Variants in CEP128 observed in about 807,000 individuals in gnomAD.
CEP128 encodes the protein centrosomal protein 128kDa.
In CEP128, 132 loss-of-function variants were observed where a neutral mutation model predicts 156.7. The observed-to-expected ratio is 0.84, with a 90% CI of 0.73 to 0.97. The LOEUF is 0.97. Ranked by LOEUF, CEP128 falls within the 50% of genes least tolerant of loss-of-function variation. CEP128 has a pLI of 0.00. For synonymous variants in CEP128, 469 were observed against 448.9 expected (o/e 1.04, Z -0.57); for missense variants, 1,252 against 1,281.9 (o/e 0.98, Z 0.36).
chr14:80,928,397 A>T (rs1168990351), intron 2 of CEP128, among the ~76,000 whole-genome samples: 1 of 152,198 alleles, frequency 6.6e-6, no homozygotes, highest in African/African-American at 2.4e-5. Context: ...TTAATGAAAC[A>T]ATTCAGGACA....
chr14:80,815,222 A>G (rs1363767132), intron 13 of CEP128, among the ~76,000 whole-genome samples: 1 of 152,134 alleles, frequency 6.6e-6, no homozygotes, highest in Non-Finnish European at 1.5e-5. Context: ...CGAAATAACA[A>G]TAATAATAAT....
intron 19 of CEP128, among the ~76,000 whole-genome samples, chr14:80,660,772 C>G (rs1054721795): frequency 2.0e-5 from 3 of 152,108 alleles, no homozygotes; most frequent in African/African-American, 7.2e-5. Flanking sequence ...TTCTCAAAGT[C>G]ACATAGCAAG....
intron 19 of CEP128, among the ~76,000 whole-genome samples, chr14:80,670,663 T>G (rs1895803733): frequency 6.6e-6 from 1 of 152,114 alleles, no homozygotes; most frequent in Admixed American, 6.5e-5. Flanking sequence ...AGAAATTACT[T>G]AATGGATACA....
At chr14:80,844,518 G>A (rs150288201) in intron 9 of CEP128, among the ~76,000 whole-genome samples, 305 of 152,200 alleles carry the variant, frequency 2.0e-3, no homozygotes, top group Admixed American at 5.2e-3. Context: ...GAATTGAAAT[G>A]TGTGTATTTT....
chr14:80,723,606 AC>A (rs1818756398), intron 19 of CEP128, among the ~76,000 whole-genome samples: 1 of 152,210 alleles, frequency 6.6e-6, no homozygotes, highest in Non-Finnish European at 1.5e-5. Flanking sequence ...AAAAAGTGAT[AC>A]CCTTTTTGCA....
chr14:80,870,714 C>A (rs1363329464), intron 8 of CEP128, among the ~76,000 whole-genome samples: 1 of 151,846 alleles, frequency 6.6e-6, no homozygotes, highest in Non-Finnish European at 1.5e-5. Flanking sequence ...ATGAACACTT[C>A]CATTCAACGT....
At chr14:80,792,100 T>A (rs545311986) in intron 14 of CEP128, among the ~76,000 whole-genome samples, 28 of 152,298 alleles carry the variant, frequency 1.8e-4, no homozygotes, top group African/African-American at 4.8e-4. Context: ...AGAATCAACA[T>A]AGGAGCATAA....
At chr14:80,719,897 G>A (rs1378750232) in intron 19 of CEP128, among the ~76,000 whole-genome samples, 1 of 152,160 alleles carries the variant, frequency 6.6e-6, no homozygotes, top group Admixed American at 6.5e-5. Flanking sequence ...AGTCTAATGG[G>A]AAAGATGGAA....
At chr14:80,525,097 G>A (rs1359219861) in intron 23 of CEP128, among the ~76,000 whole-genome samples, 1 of 152,180 alleles carries the variant, frequency 6.6e-6, no homozygotes, top group African/African-American at 2.4e-5. Flanking sequence ...AGTGTATTGG[G>A]AAATAATGTT....
chr14:80,562,175 C>G (rs1214736521), intron 20 of CEP128, among the ~76,000 whole-genome samples: 2 of 152,068 alleles, frequency 1.3e-5, no homozygotes, highest in African/African-American at 2.4e-5. Context: ...ATCCACCCGT[C>G]TCAGCCTCCC....
rs554242080 is a variant in CEP128, at chr14:80,530,837, C to G, written c.2930G>C (p.Ser977Thr). Residue 977 changes from serine to threonine, a missense_variant, in exon 22 of 25, where the codon AGC becomes ACC. Coordinates refer to ENST00000555265, the MANE Select transcript of CEP128 (RefSeq NM_152446.5). ...GAAGTCTTTGAAATCTTCTAGTAGG[C>G]TCAGTTTCTCAGGCACAGACTCCAG... ...DHLESVPEKL[S>T]LLEDFKDFRD... 2 of 1,607,834 alleles carry G rather than the reference C, an allele frequency of 1.2e-6. No individual in the cohort carries two copies. The highest frequency in any genetic ancestry group is 2.7e-5 in the African/African-American group (2 of 74,734).
intron 19 of CEP128, among the ~76,000 whole-genome samples, chr14:80,686,849 AT>A (rs1358710376): frequency 2.4e-4 from 36 of 152,214 alleles, no homozygotes; most frequent in African/African-American, 8.4e-4. Flanking sequence ...AAAGAAGGAT[AT>A]TATATAATGG....
chr14:80,854,430 A>G (rs775670286), intron 9 of CEP128, among the ~76,000 whole-genome samples: 3 of 152,200 alleles, frequency 2.0e-5, no homozygotes, highest in Non-Finnish European at 4.4e-5. Flanking sequence ...TACATGACCA[A>G]AAAGTCCCCA....
At position 80,728,108 on chromosome 14, in the gene CEP128, A is replaced by G. The variant is rs930479573; in HGVS notation, c.2806+14967T>C. On this transcript the variant is annotated intron_variant, in intron 19 of 24. Transcript: ENST00000555265. ...AGACATGGAATCAACCTAGATACAC[A>G]TCAGTGGTGGACTGGATCAAAAAAA... 2.6e-5 allele frequency among the ~76,000 whole-genome samples: 4 copies of G among 152,338 alleles called. No homozygotes were observed. The South Asian group carries it at 8.3e-4, about 32-fold the overall frequency.
At position 80,914,426 on chromosome 14, in the gene CEP128, A is replaced by G. The variant is rs1473505389; in HGVS notation, c.148-18T>C. 1 of 1,580,486 alleles carries G rather than the reference A, an allele frequency of 6.3e-7. No homozygotes were observed. The highest frequency in any genetic ancestry group is 8.7e-7 in the Non-Finnish European group (1 of 1,149,768). On this transcript the variant is annotated intron_variant, in intron 3 of 24. Transcript: ENST00000555265. ...CTGGTATCCTTGAGAAAGAAAATGG[A>G]CTGAATTAATTATTCCAAATACTTT...
intron 18 of CEP128, among the ~76,000 whole-genome samples, chr14:80,751,788 C>A (rs892933270): frequency 6.6e-6 from 1 of 152,018 alleles, no homozygotes; most frequent in Non-Finnish European, 1.5e-5. Flanking sequence ...CGCTACCACG[C>A]CTGGCTAATT....
chr14:80,579,738 G>C, intron 20 of CEP128, among the ~76,000 whole-genome samples: 1 of 152,132 alleles, frequency 6.6e-6, no homozygotes, highest in South Asian at 2.1e-4. Flanking sequence ...AACTGATTAT[G>C]TTTCCCCTAA....
intron 19 of CEP128, among the ~76,000 whole-genome samples, chr14:80,680,117 G>GA (rs1896259531): frequency 6.6e-6 from 1 of 152,176 alleles, no homozygotes; most frequent in Non-Finnish European, 1.5e-5. Context: ...CAGAAGTGTG[G>GA]AAAGTGCCTC....
intron 19 of CEP128, among the ~76,000 whole-genome samples, chr14:80,708,425 T>C (rs1897295206): frequency 6.6e-6 from 1 of 152,158 alleles, no homozygotes; most frequent in African/African-American, 2.4e-5. Context: ...ATTAGGGATA[T>C]GGGAATATCA....
Sources: gnomAD v4.1 joint callset for allele counts (sites outside exome capture counted in the v4.1 genomes callset) on GRCh38, gnomAD v4.1.1 for gene constraint, MANE v1.5 for transcripts, NCBI Gene and HGNC (gene_info 2026-07-23, HGNC 2026-07-21) for gene names.